LYZL4: variants seen among roughly 807,000 people sequenced by gnomAD.
The protein encoded by LYZL4 is lysozyme like 4.
LYZL4 carries 13 observed loss-of-function variants against 17.6 expected under a neutral mutation model. That is an observed-to-expected ratio of 0.74 (90% CI 0.48 to 1.18). LYZL4 has a LOEUF of 1.18. Among genes scored for constraint, LYZL4 ranks in the 50% most tolerant of loss-of-function variants. The pLI, the probability that LYZL4 is intolerant of heterozygous loss-of-function variation, is 0.00. For synonymous variants in LYZL4, 64 were observed against 67.7 expected (o/e 0.95, Z 0.27); for missense variants, 174 against 188.2 (o/e 0.92, Z 0.44).
chr3:42,405,974 C>T (rs1698741450), intron 3 of LYZL4, among the ~76,000 whole-genome samples: 1 of 152,154 alleles, frequency 6.6e-6, no homozygotes, highest in Admixed American at 6.5e-5. Flanking sequence ...CTATATAAGG[C>T]CTGGCACTTA....
At chr3:42,372,617 C>A in the LYZL4 span, among the ~76,000 whole-genome samples, 1 of 152,196 alleles carries the variant, frequency 6.6e-6, no homozygotes, top group Non-Finnish European at 1.5e-5. Flanking sequence ...TCCCCCCCAG[C>A]AAAGGGTGAG....
the LYZL4 span, among the ~76,000 whole-genome samples, chr3:42,387,361 C>T: frequency 1.3e-5 from 2 of 152,186 alleles, no homozygotes; most frequent in Non-Finnish European, 2.9e-5. Context: ...GGGCCTCATA[C>T]AAACAGAGAA....
the LYZL4 span, among the ~76,000 whole-genome samples, chr3:42,368,202 G>A: frequency 1.3e-5 from 2 of 152,234 alleles, no homozygotes; most frequent in African/African-American, 4.8e-5. Flanking sequence ...GGGCTCTGCA[G>A]TAAACTTATG....
At chr3:42,362,250 T>A in the LYZL4 span, among the ~76,000 whole-genome samples, 1 of 152,238 alleles carries the variant, frequency 6.6e-6, no homozygotes, top group Admixed American at 6.5e-5. Flanking sequence ...TATTTGTGTG[T>A]AGGAACATTA....
chr3:42,364,450 C>T, the LYZL4 span, among the ~76,000 whole-genome samples: 1 of 146,414 alleles, frequency 6.8e-6, no homozygotes, highest in Admixed American at 7.1e-5. Flanking sequence ...TCAAGTGATT[C>T]TCCTGCTTCA....
chr3:42,385,769 C>A, the LYZL4 span, among the ~76,000 whole-genome samples: 1 of 152,288 alleles, frequency 6.6e-6, no homozygotes, highest in Non-Finnish European at 1.5e-5. Context: ...ATACTAACAC[C>A]TGTCTGCTTT....
At chr3:42,392,605 G>T (rs1027437782), downstream of LYZL4, among the ~76,000 whole-genome samples, 1 of 152,216 alleles carries the variant, frequency 6.6e-6, no homozygotes, top group Admixed American at 6.5e-5. Flanking sequence ...AGCCAGGTGA[G>T]TATGTCGGAG....
the LYZL4 span, among the ~76,000 whole-genome samples, chr3:42,387,564 C>T: frequency 1.3e-5 from 2 of 152,194 alleles, no homozygotes; most frequent in African/African-American, 4.8e-5. Context: ...CACATGCCGC[C>T]TCCCCCCAAC....
At chr3:42,376,092 A>G in the LYZL4 span, among the ~76,000 whole-genome samples, 2 of 152,192 alleles carry the variant, frequency 1.3e-5, no homozygotes. Flanking sequence ...GGCGACTAAA[A>G]CAGACCCCTC....
At chr3:42,367,174 C>A in the LYZL4 span, among the ~76,000 whole-genome samples, 2 of 152,244 alleles carry the variant, frequency 1.3e-5, no homozygotes, top group South Asian at 4.2e-4. Flanking sequence ...ATAAAGCACC[C>A]CACACACATA....
At chr3:42,389,322 G>T in the LYZL4 span, among the ~76,000 whole-genome samples, 1 of 152,184 alleles carries the variant, frequency 6.6e-6, no homozygotes, top group Admixed American at 6.5e-5. Context: ...TGGCTTCCCT[G>T]CCAGTTACCT....
chr3:42,369,492 T>A, the LYZL4 span, among the ~76,000 whole-genome samples: 7 of 152,360 alleles, frequency 4.6e-5, no homozygotes, highest in East Asian at 1.3e-3. Flanking sequence ...GACTTGGCCC[T>A]GGCCAAGAGA....
chr3:42,368,558 ATTTCTT>A, the LYZL4 span, among the ~76,000 whole-genome samples: 2 of 152,026 alleles, frequency 1.3e-5, no homozygotes, highest in East Asian at 3.9e-4. Flanking sequence ...TATTTAAGTG[ATTTCTT>A]TTTATTTAGC....
At chr3:42,381,199 T>C in the LYZL4 span, among the ~76,000 whole-genome samples, 1 of 152,218 alleles carries the variant, frequency 6.6e-6, no homozygotes, top group African/African-American at 2.4e-5. Context: ...ATTGTTGTGA[T>C]AAAAGCTAAT....
the LYZL4 span, among the ~76,000 whole-genome samples, chr3:42,383,622 G>A: frequency 4.6e-5 from 7 of 151,976 alleles, no homozygotes; most frequent in Non-Finnish European, 8.8e-5. Flanking sequence ...AGAGACTGCT[G>A]CCAGAAGAAA....
At chr3:42,366,598 A>T in the LYZL4 span, among the ~76,000 whole-genome samples, 1 of 151,794 alleles carries the variant, frequency 6.6e-6, no homozygotes, top group Non-Finnish European at 1.5e-5. Context: ...CTCACACCAA[A>T]CGATCCCCTC....
chr3:42,369,158 G>T, the LYZL4 span, among the ~76,000 whole-genome samples: 1 of 152,206 alleles, frequency 6.6e-6, no homozygotes, highest in Admixed American at 6.5e-5. Flanking sequence ...GCTTAGAAAA[G>T]CTATGTAATT....
At chr3:42,379,280 G>C in the LYZL4 span, among the ~76,000 whole-genome samples, 2 of 152,194 alleles carry the variant, frequency 1.3e-5, no homozygotes, top group Non-Finnish European at 2.9e-5. Flanking sequence ...GGGTGCCCCT[G>C]TGGGCAGCTC....
At chr3:42,367,595 G>A in the LYZL4 span, among the ~76,000 whole-genome samples, 1 of 151,998 alleles carries the variant, frequency 6.6e-6, no homozygotes. Context: ...GGGAGCCATG[G>A]CAAAGGCTGG....
Sources: gnomAD v4.1 joint callset for allele counts (sites outside exome capture counted in the v4.1 genomes callset) on GRCh38, gnomAD v4.1.1 for gene constraint, MANE v1.5 for transcripts, NCBI Gene and HGNC (gene_info 2026-07-23, HGNC 2026-07-21) for gene names.